The following XIRP2 variants were observed in gnomAD, a reference collection of about 807,000 sequenced individuals.
XIRP2 encodes xin actin binding repeat containing 2.
XIRP2 carries 236 observed loss-of-function variants against 277.0 expected under a neutral mutation model. That is an observed-to-expected ratio of 0.85 (90% CI 0.77 to 0.95). The LOEUF (loss-of-function observed/expected upper bound fraction) is 0.95, where lower values mean the gene tolerates loss of function less well. Ranked by LOEUF, XIRP2 falls within the 40% of genes least tolerant of loss-of-function variation. The pLI is 0.00. For synonymous variants in XIRP2, 1,490 were observed against 1,416.5 expected (o/e 1.05, Z -1.17); for missense variants, 4,640 against 4,157.5 (o/e 1.12, Z -3.19).
chr2:166,982,487 A>G (rs867375602), intron 2 of XIRP2, among the ~76,000 whole-genome samples: 1 of 151,664 alleles, frequency 6.6e-6, no homozygotes, highest in Non-Finnish European at 1.5e-5. Context: ...ACCACTTTTG[A>G]TATAGTCCCA....
At chr2:167,085,591 G>A (rs1240736460) in intron 2 of XIRP2, among the ~76,000 whole-genome samples, 1 of 152,034 alleles carries the variant, frequency 6.6e-6, no homozygotes, top group African/African-American at 2.4e-5. Context: ...TCTCTTTGTA[G>A]GTCACTCAGG....
chr2:167,026,107 A>C (rs1465194073), intron 2 of XIRP2, among the ~76,000 whole-genome samples: 1 of 151,890 alleles, frequency 6.6e-6, no homozygotes, highest in African/African-American at 2.4e-5. Context: ...TTTGAAGGTC[A>C]CTCAGGACTT....
chr2:166,899,414 A>G (rs1345549698), intron 1 of XIRP2, among the ~76,000 whole-genome samples: 1 of 152,120 alleles, frequency 6.6e-6, no homozygotes, highest in Admixed American at 6.6e-5. Context: ...AAAAGGAGAA[A>G]AATAGAATGT....
intron 2 of XIRP2, among the ~76,000 whole-genome samples, chr2:167,029,700 T>C (rs560795736): frequency 1.8e-4 from 27 of 152,260 alleles, no homozygotes; most frequent in African/African-American, 6.0e-4. Context: ...GGTTTTGGTA[T>C]CAGGATGATG....
At chr2:167,196,859 G>A (rs1296308330) in intron 3 of XIRP2, among the ~76,000 whole-genome samples, 2 of 152,122 alleles carry the variant, frequency 1.3e-5, no homozygotes, top group Non-Finnish European at 2.9e-5. Context: ...TGTGTGTGGA[G>A]TGGGGTGGGT....
intron 2 of XIRP2, among the ~76,000 whole-genome samples, chr2:167,000,319 T>C (rs1037449296): frequency 6.6e-6 from 1 of 152,168 alleles, no homozygotes; most frequent in Admixed American, 6.6e-5. Flanking sequence ...TTTCATAAGA[T>C]ACTTTTAATT....
rs548465190 is a variant in XIRP2 at position 166,975,652 on chromosome 2, G to A, written c.408+71762G>A. On this transcript the variant is annotated intron_variant, in intron 2 of 10. Transcript: ENST00000409195. ...TTAAAACTGTTCATTGTGGCCGGGC[G>A]CGGTGGCTCACGCCTGTAATCCCAG... is the stretch of plus-strand genomic sequence containing the variant. Among the ~76,000 whole-genome samples, 209 of 152,174 alleles carry A rather than the reference G, an allele frequency of 1.4e-3. 4 individuals carry two copies. The highest frequency in any genetic ancestry group is 9.1e-3 in the South Asian group (44 of 4,820).
At chr2:167,230,713 G>T (rs16853279) in intron 5 of XIRP2, among the ~76,000 whole-genome samples, 23,078 of 151,932 alleles carry the variant, frequency 0.15, 2,183 homozygotes, top group African/African-American at 0.27. Context: ...TAGAATGCTA[G>T]CACGGAAGAG....
intron 2 of XIRP2, among the ~76,000 whole-genome samples, chr2:166,953,174 C>T (rs1341072181): frequency 6.6e-6 from 1 of 151,816 alleles, no homozygotes; most frequent in African/African-American, 2.4e-5. Context: ...GTGCAGTGTA[C>T]GTTGTAACTG....
intron 5 of XIRP2, among the ~76,000 whole-genome samples, chr2:167,219,494 C>G (rs2105401968): frequency 6.6e-6 from 1 of 152,244 alleles, no homozygotes; most frequent in South Asian, 2.1e-4. Context: ...GCAGTGGGGA[C>G]TATGGACTAT....
intron 3 of XIRP2, among the ~76,000 whole-genome samples, chr2:167,184,984 TC>T (rs1693116147): frequency 6.6e-6 from 1 of 152,144 alleles, no homozygotes. Context: ...CTATCATGCA[TC>T]CATCCATCTA....
intron 2 of XIRP2, among the ~76,000 whole-genome samples, chr2:167,024,950 A>G (rs1388014451): frequency 6.6e-6 from 1 of 152,216 alleles, no homozygotes; most frequent in African/African-American, 2.4e-5. Context: ...CATTGGTATC[A>G]GGATGATGCT....
At chr2:167,115,766 C>T (rs930702014) in intron 2 of XIRP2, among the ~76,000 whole-genome samples, 26 of 152,144 alleles carry the variant, frequency 1.7e-4, no homozygotes, top group African/African-American at 6.3e-4. Flanking sequence ...CCATGTGCTT[C>T]CTGGGGAAAC....
At chr2:167,026,991 C>A (rs1022179666) in intron 2 of XIRP2, among the ~76,000 whole-genome samples, 1 of 152,022 alleles carries the variant, frequency 6.6e-6, no homozygotes, top group Non-Finnish European at 1.5e-5. Context: ...CTTGGTGTTG[C>A]TCTTCTTGAG....
intron 2 of XIRP2, among the ~76,000 whole-genome samples, chr2:166,998,766 C>A (rs1369372470): frequency 6.6e-6 from 1 of 152,170 alleles, no homozygotes; most frequent in South Asian, 2.1e-4. Flanking sequence ...TCCACTTTAA[C>A]CAATCAAATA....
intron 3 of XIRP2, among the ~76,000 whole-genome samples, chr2:167,194,722 T>C (rs941301781): frequency 1.3e-5 from 2 of 152,108 alleles, no homozygotes; most frequent in African/African-American, 4.8e-5. Flanking sequence ...TCTCTTACCC[T>C]TACCTACTGA....
chr2:167,213,579 A>C (rs548644456), intron 4 of XIRP2, among the ~76,000 whole-genome samples: 1 of 152,276 alleles, frequency 6.6e-6, no homozygotes, highest in East Asian at 1.9e-4. Context: ...AGAAACACAG[A>C]ATAATAATAA....
rs1695374738 is a variant in XIRP2, at chr2:167,248,869, T to C, written c.7477T>C (p.Ser2493Pro). 6.2e-7 allele frequency: 1 copy of C among 1,613,616 alleles called. No individual in the cohort carries two copies. The highest frequency in any genetic ancestry group is 8.5e-7 in the Non-Finnish European group (1 of 1,179,778). ...SKSLDERKQL[S>P]IDSANCLSHT... ...GAGTCTTGATGAAAGAAAACAATTA[T>C]CTATTGACTCTGCAAACTGTCTCTC... The change falls in exon 9 of 11, where the codon TCT becomes CCT. Residue 2493 changes from serine to proline, a missense_variant. Coordinates refer to ENST00000409195, the MANE Select transcript of XIRP2 (RefSeq NM_152381.6).
Position 167,244,015 on chromosome 2 carries a change from A to G in XIRP2, c.2623A>G (p.Thr875Ala). The change falls in exon 9 of 11, where the codon ACT (threonine) becomes GCT (alanine). Residue 875 changes from threonine to alanine, a missense_variant. Physicochemically the swap from Thr to Ala is moderately conservative, Grantham distance 58. Coordinates refer to ENST00000409195, the MANE Select transcript of XIRP2 (RefSeq NM_152381.6). ...EEIIGGDVQT[T>A]KHLFETLPIE... ...GATAATAGGTGGTGATGTACAAACT[A>G]CTAAGCATCTATTTGAAACACTTCC... 6.2e-7 allele frequency: 1 copy of G among 1,614,010 alleles called. No homozygotes were observed. The highest frequency in any genetic ancestry group is 2.2e-5 in the East Asian group (1 of 44,844).
Sources: allele counts gnomAD v4.1 joint callset (sites outside exome capture counted in the v4.1 genomes callset), GRCh38; gene constraint gnomAD v4.1.1; transcripts MANE v1.5; gene names NCBI Gene and HGNC (gene_info 2026-07-23, HGNC 2026-07-21).